Variants in PHF3 observed in about 807,000 individuals in gnomAD.
PHF3 encodes PHD finger protein 3.
A neutral mutation model predicts 178.4 loss-of-function variants in PHF3; 41 were observed. The observed-to-expected ratio is 0.23, with a 90% CI of 0.18 to 0.30. The LOEUF (loss-of-function observed/expected upper bound fraction) is 0.30, where lower values mean the gene tolerates loss of function less well. Ranked by LOEUF, PHF3 falls within the 10% of genes least tolerant of loss-of-function variation. The pLI is 1.00. For synonymous variants in PHF3, 842 were observed against 800.5 expected (o/e 1.05, Z -0.88); for missense variants, 2,346 against 2,398.1 (o/e 0.98, Z 0.45).
Position 63,684,710 on chromosome 6 carries a change from C to T in PHF3, c.988C>T (p.His330Tyr). 1 of 1,613,550 alleles carries T rather than the reference C, an allele frequency of 6.2e-7. No homozygotes were observed. Among genetic ancestry groups the T allele is most frequent in the South Asian group, 1.1e-5 (1 of 91,042 alleles). Reference protein sequence around the residue: ...QDSKETVKLSHEDDHILEDAG... With the variant: ...QDSKETVKLSYEDDHILEDAG... ...TTCAAAGGAGACAGTAAAATTATCC[C>T]ATGAAGATGACCATATTCTTGAGGA... Residue 330 changes from histidine to tyrosine, a missense_variant, in exon 4 of 16, where the codon CAT becomes TAT. By Grantham distance (83) the His-to-Tyr change is moderately conservative. Around this residue, in one of 8 missense-constraint regions of PHF3, gnomAD observed 843 missense variants for 795.2 expected, o/e 1.06. Coordinates refer to ENST00000262043, the MANE Select transcript of PHF3 (RefSeq NM_001370348.2).
chr6:63,692,590 C>A (rs1424547019), intron 5 of PHF3, among the ~76,000 whole-genome samples: 1 of 152,036 alleles, frequency 6.6e-6, no homozygotes, highest in Non-Finnish European at 1.5e-5. Context: ...ATTTGTTATT[C>A]TTATAGAATA....
chr6:63,688,045 G>A (rs370302811), intron 4 of PHF3, among the ~76,000 whole-genome samples: 9 of 151,542 alleles, frequency 5.9e-5, no homozygotes, highest in East Asian at 3.9e-4. Flanking sequence ...TTAGCTGGGC[G>A]TGCTGGCGGG....
chr6:63,635,829 C>G lies in PHF3; in HGVS notation c.-347C>G. On this transcript the variant is annotated 5_prime_UTR_variant, in exon 1 of 16. Coordinates refer to ENST00000262043, the MANE Select transcript of PHF3 (RefSeq NM_001370348.2). Reference sequence around the variant, plus strand: ...TGGGGTCACGTGACACGGCCCCTCTCCAGCTCCCGCGCCGCCGCCGCACGC... The same window carrying G: ...TGGGGTCACGTGACACGGCCCCTCTGCAGCTCCCGCGCCGCCGCCGCACGC... 2.5e-6 allele frequency: 1 copy of G among 395,722 alleles called. No individual in the cohort carries two copies. 24.5% of individuals were successfully genotyped at this position (395,722 alleles called of 1,614,324 possible).
At chr6:63,699,510 T>C (rs1029472892) in intron 8 of PHF3, among the ~76,000 whole-genome samples, 1 of 152,228 alleles carries the variant, frequency 6.6e-6, no homozygotes, top group African/African-American at 2.4e-5. Flanking sequence ...GCCATCATGG[T>C]CCCGAGGATC....
rs751552479 is a variant in PHF3, at chr6:63,685,903, T to C, written c.2181T>C (p.His727=). 6.2e-7 allele frequency: 1 copy of C among 1,609,936 alleles called. No homozygotes were observed. Among genetic ancestry groups the C allele is most frequent in the Non-Finnish European group, 8.5e-7 (1 of 1,178,272 alleles). The change falls in exon 4 of 16, where the codon CAT becomes CAC. Residue 727 remains histidine, a synonymous_variant. Transcript: ENST00000262043. ...AGTGTGGGTTTTGCAAAAAACCACA[T>C]GGCAACAGGTGTGTGTGTATGTGTG... ...SKQCGFCKKP[H]GNRFMVGCGR...
intron 10 of PHF3, 37 bp from the exon 11 acceptor site, chr6:63,703,499 A>G (rs531899749): frequency 4.4e-6 from 7 of 1,575,046 alleles, no homozygotes; most frequent in South Asian, 2.4e-5. Context: ...GCCAAATTTT[A>G]TCAGCTAAAA....
At chr6:63,672,249 A>G (rs1339023160) in intron 2 of PHF3, among the ~76,000 whole-genome samples, 1 of 152,240 alleles carries the variant, frequency 6.6e-6, no homozygotes, top group Non-Finnish European at 1.5e-5. Context: ...AAAATCTAAG[A>G]AATAAAAATA....
intron 2 of PHF3, among the ~76,000 whole-genome samples, chr6:63,650,832 G>A (rs1356866518): frequency 6.6e-6 from 1 of 152,130 alleles, no homozygotes. Context: ...ATTTCAATCA[G>A]ACAGTACATT....
At chr6:63,677,278 G>C (rs1766209427) in intron 2 of PHF3, among the ~76,000 whole-genome samples, 1 of 152,106 alleles carries the variant, frequency 6.6e-6, no homozygotes, top group South Asian at 2.1e-4. Context: ...GGATGAGTGA[G>C]TATGAGTGTA....
intron 2 of PHF3, among the ~76,000 whole-genome samples, chr6:63,667,653 A>T (rs1765737125): frequency 1.3e-5 from 2 of 152,238 alleles, no homozygotes; most frequent in Admixed American, 1.3e-4. Context: ...TGTTCAACTC[A>T]GGTTGTAATC....
intron 2 of PHF3, among the ~76,000 whole-genome samples, chr6:63,666,982 C>T (rs1192001029): frequency 1.3e-5 from 2 of 152,070 alleles, no homozygotes; most frequent in African/African-American, 2.4e-5. Flanking sequence ...GAACTCCTGA[C>T]CTCAAGTGAT....
Position 63,721,418 on chromosome 6 carries a change from T to G in PHF3, c.*7710T>G, listed in dbSNP as rs1177042614. The G allele has an allele frequency of 1.9e-6, 3 of 1,551,622 alleles. No individual in the cohort carries two copies. Among genetic ancestry groups the G allele is most frequent in the Non-Finnish European group, 1.7e-6 (2 of 1,146,946 alleles). The stretch of plus-strand genomic sequence containing the variant: ...CACAGGCTGTCCCATCACAGTCACC[T>G]ACATTTGAGCCACCTTTTGCTCCAA... On this transcript the variant is annotated 3_prime_UTR_variant, in exon 16 of 16. Coordinates refer to ENST00000262043, the MANE Select transcript of PHF3 (RefSeq NM_001370348.2).
At position 63,721,824 on chromosome 6, in the gene PHF3, A is replaced by C; in HGVS notation, c.*8116A>C. The C allele has an allele frequency of 6.6e-7, 1 of 1,520,244 alleles. No individual in the cohort carries two copies. 94.2% of individuals were successfully genotyped at this position (1,520,244 alleles called of 1,614,324 possible). ...TGCAAGAAAGCAAACAGTAAGTTTG[A>C]TTAGCAACAGTAAAAGTTTCCATTG... On this transcript the variant is annotated 3_prime_UTR_variant, in exon 16 of 16. Coordinates refer to ENST00000262043, the MANE Select transcript of PHF3 (RefSeq NM_001370348.2).
intron 2 of PHF3, among the ~76,000 whole-genome samples, chr6:63,678,097 C>T (rs1766257445): frequency 6.6e-6 from 1 of 152,052 alleles, no homozygotes. Flanking sequence ...ATGGCACACA[C>T]CTGTATTCCC....
rs1181813905 is a variant in PHF3, at chr6:63,719,460, A to T, written c.*5752A>T. Among the ~76,000 whole-genome samples, 1 of 152,048 alleles carries T rather than the reference A, an allele frequency of 6.6e-6. No homozygotes were observed. The highest frequency in any genetic ancestry group is 2.4e-5 in the African/African-American group (1 of 41,434). On this transcript the variant is annotated 3_prime_UTR_variant, in exon 16 of 16. Coordinates refer to ENST00000262043, the MANE Select transcript of PHF3 (RefSeq NM_001370348.2). ...CCTGTTAGTTCACCAAGTCAGTCAT[A>T]TGTTGCCGGTTGCCAAGTGGCAAAA...
chr6:63,696,699 C>G (rs911226753), intron 6 of PHF3, among the ~76,000 whole-genome samples: 1 of 152,170 alleles, frequency 6.6e-6, no homozygotes, highest in Admixed American at 6.5e-5. Flanking sequence ...AAGAGGAGAA[C>G]TGAGACTGGT....
chr6:63,680,030 G>A lies in PHF3; in HGVS notation c.275G>A (p.Gly92Glu). Residue 92 changes from glycine to glutamate, a missense_variant, in exon 3 of 16, where the codon GGA becomes GAA. By Grantham distance (98) the Gly-to-Glu change is moderately conservative (BLOSUM62 -2). Transcript: ENST00000262043. ...GGTCTTGACGATATTATGGATGAAG[G>A]AGTTGTTAAAGAAAGTGGCAATGAT... ...VVGLDDIMDE[G>E]VVKESGNDTI... 2 of 1,611,876 alleles carry A rather than the reference G, an allele frequency of 1.2e-6. No homozygotes were observed. The highest frequency in any genetic ancestry group is 1.7e-6 in the Non-Finnish European group (2 of 1,178,920).
chr6:63,683,322 AG>A (rs949944200), intron 3 of PHF3, among the ~76,000 whole-genome samples: 1 of 151,898 alleles, frequency 6.6e-6, no homozygotes, highest in East Asian at 1.9e-4. Flanking sequence ...TGAATTATTT[AG>A]CTCTCTTTCT....
chr6:63,654,103 G>A (rs1472220957), intron 2 of PHF3, among the ~76,000 whole-genome samples: 2 of 152,106 alleles, frequency 1.3e-5, no homozygotes, highest in Non-Finnish European at 2.9e-5. Flanking sequence ...GTTTTTGTCT[G>A]GTTTTGGTAT....
Sources: allele counts gnomAD v4.1 joint callset (sites outside exome capture counted in the v4.1 genomes callset), GRCh38; gene constraint gnomAD v4.1.1; regional missense constraint gnomAD v4.1.1; transcripts MANE v1.5; gene names NCBI Gene and HGNC (gene_info 2026-07-23, HGNC 2026-07-21).